The following RBFOX1 variants were observed in gnomAD, a reference collection of about 807,000 sequenced individuals.
RBFOX1 encodes the protein RNA binding protein fox-1 homolog 1.
RBFOX1 carries 8 observed loss-of-function variants against 57.7 expected under a neutral mutation model. The observed-to-expected ratio is 0.14, with a 90% CI of 0.08 to 0.25. RBFOX1 has a LOEUF of 0.25. RBFOX1 is among the 10% of genes least tolerant of loss of function. The probability of loss-of-function intolerance (pLI) is 1.00; values close to 1 mark genes in which losing one functional copy is unlikely to be tolerated. For synonymous variants in RBFOX1, 326 were observed against 222.4 expected (o/e 1.47, Z -4.15); for missense variants, 611 against 548.5 (o/e 1.11, Z -1.14).
At chr16:7,127,496 A>C (rs1257817409) in intron 4 of RBFOX1, among the ~76,000 whole-genome samples, 1 of 152,190 alleles carries the variant, frequency 6.6e-6, no homozygotes. Flanking sequence ...GCAGTTTTTG[A>C]TGACAGGGAT....
intron 3 of RBFOX1, among the ~76,000 whole-genome samples, chr16:5,717,256 G>A (rs553954290): frequency 1.3e-5 from 2 of 151,902 alleles, no homozygotes; most frequent in Non-Finnish European, 2.9e-5. Flanking sequence ...ATACAGCCTC[G>A]TTGTTTCCTG....
intron 1 of RBFOX1, among the ~76,000 whole-genome samples, chr16:6,169,810 G>C (rs377705042): frequency 9.9e-5 from 15 of 150,878 alleles, no homozygotes; most frequent in African/African-American, 3.6e-4. Flanking sequence ...TATCACCCAG[G>C]CTGGAGTGCA....
At chr16:5,355,244 T>C (rs147858183) in intron 1 of RBFOX1, among the ~76,000 whole-genome samples, 159 of 152,224 alleles carry the variant, frequency 1.0e-3, no homozygotes, top group African/African-American at 3.7e-3. Context: ...CAGCAGGAAA[T>C]GGCAGATGGC....
intron 4 of RBFOX1, among the ~76,000 whole-genome samples, chr16:7,345,584 G>A (rs1216092382): frequency 6.6e-6 from 1 of 152,118 alleles, no homozygotes; most frequent in Non-Finnish European, 1.5e-5. Context: ...TGTTGGATGT[G>A]TTCACCCATC....
chr16:7,102,157 T>C (rs1462673991), intron 4 of RBFOX1, among the ~76,000 whole-genome samples: 2 of 152,220 alleles, frequency 1.3e-5, no homozygotes, highest in East Asian at 1.9e-4. Context: ...AACACTCCTC[T>C]TACTCACACT....
intron 4 of RBFOX1, among the ~76,000 whole-genome samples, chr16:5,999,659 A>C (rs920598504): frequency 1.3e-5 from 2 of 152,056 alleles, no homozygotes. Context: ...CAGGAGATCG[A>C]GACCATTCTG....
chr16:7,063,805 C>T (rs559760370), intron 4 of RBFOX1, among the ~76,000 whole-genome samples: 13 of 152,306 alleles, frequency 8.5e-5, no homozygotes, highest in East Asian at 7.7e-4. Context: ...ACATAGCATT[C>T]GCATTGCATC....
intron 1 of RBFOX1, among the ~76,000 whole-genome samples, chr16:5,365,287 A>G (rs929467611): frequency 6.7e-6 from 1 of 150,234 alleles, no homozygotes; most frequent in Non-Finnish European, 1.5e-5. Flanking sequence ...GATTCTCTTG[A>G]AAAATGAGCA....
At chr16:6,582,484 G>C (rs796724253) in intron 2 of RBFOX1, among the ~76,000 whole-genome samples, 1 of 120,758 alleles carries the variant, frequency 8.3e-6, no homozygotes, top group East Asian at 2.3e-4. Context: ...TCAATTTTTA[G>C]ATGCCCTTGG....
intron 4 of RBFOX1, among the ~76,000 whole-genome samples, chr16:7,138,683 A>G (rs1224207720): frequency 6.6e-6 from 1 of 152,170 alleles, no homozygotes; most frequent in Non-Finnish European, 1.5e-5. Context: ...CTGCCTAATC[A>G]TCTACCTTCA....
intron 3 of RBFOX1, among the ~76,000 whole-genome samples, chr16:6,846,572 G>C (rs750088407): frequency 6.6e-6 from 1 of 152,210 alleles, no homozygotes; most frequent in African/African-American, 2.4e-5. Flanking sequence ...GCTGCAATGC[G>C]AGATTGGAGC....
intron 4 of RBFOX1, among the ~76,000 whole-genome samples, chr16:7,061,604 C>G (rs2054303482): frequency 6.6e-6 from 1 of 152,166 alleles, no homozygotes; most frequent in Admixed American, 6.5e-5. Context: ...GATATTTGGC[C>G]TAATATTCAT....
intron 3 of RBFOX1, among the ~76,000 whole-genome samples, chr16:6,927,190 G>C (rs2075743875): frequency 6.6e-6 from 1 of 151,832 alleles, no homozygotes; most frequent in African/African-American, 2.4e-5. Context: ...GTGGGGCTCA[G>C]GGATTTCATT....
chr16:5,378,724 C>G (rs112151114), intron 1 of RBFOX1, among the ~76,000 whole-genome samples: 2 of 151,620 alleles, frequency 1.3e-5, no homozygotes, highest in South Asian at 2.1e-4. Context: ...CCATGACTTA[C>G]GTTTTCTGAG....
intron 4 of RBFOX1, among the ~76,000 whole-genome samples, chr16:7,066,747 T>C (rs1168553108): frequency 6.6e-6 from 1 of 152,194 alleles, no homozygotes; most frequent in Non-Finnish European, 1.5e-5. Flanking sequence ...TCATTTCTTC[T>C]TTGTATGCCA....
chr16:6,254,497 C>G (rs1417261194), intron 1 of RBFOX1, among the ~76,000 whole-genome samples: 1 of 152,032 alleles, frequency 6.6e-6, no homozygotes, highest in Non-Finnish European at 1.5e-5. Context: ...GGTAATAACC[C>G]TTGCTGAGTT....
At chr16:7,217,562 C>T (rs1022078993) in intron 4 of RBFOX1, among the ~76,000 whole-genome samples, 1 of 151,786 alleles carries the variant, frequency 6.6e-6, no homozygotes, top group Non-Finnish European at 1.5e-5. Flanking sequence ...TTATCTTATC[C>T]CTCAAAAAAG....
intron 3 of RBFOX1, among the ~76,000 whole-genome samples, chr16:6,882,016 A>T (rs1183773023): frequency 6.6e-6 from 1 of 152,190 alleles, no homozygotes; most frequent in Non-Finnish European, 1.5e-5. Context: ...TAAAATCACC[A>T]AAGACTCTAG....
chr16:5,655,027 C>G (rs1220029055), intron 3 of RBFOX1, among the ~76,000 whole-genome samples: 1 of 152,172 alleles, frequency 6.6e-6, no homozygotes, highest in Non-Finnish European at 1.5e-5. Context: ...ACGCTTCCTA[C>G]CCAGGAGTCC....
Sources: allele counts gnomAD v4.1 joint callset (sites outside exome capture counted in the v4.1 genomes callset), GRCh38; gene constraint gnomAD v4.1.1; transcripts MANE v1.5; gene names NCBI Gene and HGNC (gene_info 2026-07-23, HGNC 2026-07-21).